NRXN3: variants seen among roughly 807,000 people sequenced by gnomAD.
NRXN3 encodes neurexin 3, also known as neurexin III.
Under a neutral mutation model 137.6 loss-of-function variants are expected in NRXN3, and 32 were observed. The ratio of observed to expected loss-of-function variants is 0.23; its 90% confidence interval spans 0.18 to 0.31. The LOEUF is 0.31. Ranked by LOEUF, NRXN3 falls within the 10% of genes least tolerant of loss-of-function variation. NRXN3 has a pLI of 1.00. For synonymous variants in NRXN3, 798 were observed against 784.5 expected, an observed-to-expected ratio of 1.02 and a Z score of -0.29; for missense variants, 1,574 against 2,062.5, an observed-to-expected ratio of 0.76 and a Z score of 4.59.
rs1239683222 is a variant in NRXN3 at position 78,803,767 on chromosome 14, C to G, written c.2192C>G (p.Ala731Gly). The G allele has an allele frequency of 6.2e-7, 1 of 1,613,866 alleles. No individual in the cohort carries two copies. The highest frequency in any genetic ancestry group is 1.7e-5 in the Admixed American group (1 of 60,002). Residue 731 changes from alanine (A) to glycine (G), a missense_variant, in exon 9 of 21, where the codon GCC (alanine) becomes GGC (glycine). This residue lies in a region of NRXN3 where 718 missense variants were observed against 887.6 expected (regional missense o/e 0.81). Coordinates refer to ENST00000335750, the MANE Select transcript of NRXN3 (RefSeq NM_001330195.2). The stretch of plus-strand genomic sequence containing the variant: ...GTGGCTACGACCTCCAGGGACTCTG[C>G]CGACACCCTGCGTCTGGAGCTGGAT... ...LLVATTSRDS[A>G]DTLRLELDGG...
At chr14:78,748,267 G>T (rs905025125) in intron 8 of NRXN3, among the ~76,000 whole-genome samples, 4 of 152,136 alleles carry the variant, frequency 2.6e-5, no homozygotes, top group African/African-American at 9.7e-5. Flanking sequence ...GAGAAATAAA[G>T]GCTGGCTAGG....
At chr14:78,889,918 A>G (rs527783112) in intron 10 of NRXN3, among the ~76,000 whole-genome samples, 3 of 152,150 alleles carry the variant, frequency 2.0e-5, no homozygotes, top group African/African-American at 4.8e-5. Flanking sequence ...AGTGAAAACT[A>G]TCTTTGTAAG....
chr14:78,318,610 G>A (rs929184697), intron 4 of NRXN3, among the ~76,000 whole-genome samples: 2 of 152,120 alleles, frequency 1.3e-5, no homozygotes, highest in African/African-American at 4.8e-5. Context: ...AGGATTTTGA[G>A]GCAGCAACAT....
intron 15 of NRXN3, among the ~76,000 whole-genome samples, chr14:79,040,101 T>C (rs538801185): frequency 6.6e-6 from 1 of 152,318 alleles, no homozygotes; most frequent in Admixed American, 6.5e-5. Flanking sequence ...ACCTGGATAA[T>C]TTCCTTTATA....
chr14:79,518,035 A>G (rs987788778), intron 16 of NRXN3, among the ~76,000 whole-genome samples: 2 of 149,714 alleles, frequency 1.3e-5, no homozygotes, highest in Non-Finnish European at 1.5e-5. Context: ...CCTGCTGAGT[A>G]GCTGGGATTA....
chr14:78,996,094 G>A (rs1296085895), intron 15 of NRXN3, among the ~76,000 whole-genome samples: 4 of 152,092 alleles, frequency 2.6e-5, no homozygotes, highest in Non-Finnish European at 5.9e-5. Flanking sequence ...AAAGACACAT[G>A]ATTTTTTTCC....
chr14:78,723,511 T>C (rs1248732911), intron 8 of NRXN3, among the ~76,000 whole-genome samples: 1 of 152,196 alleles, frequency 6.6e-6, no homozygotes, highest in East Asian at 1.9e-4. Flanking sequence ...GGGAGGACTG[T>C]GGTGACCATT....
At chr14:78,992,082 A>C (rs1864409413) in intron 15 of NRXN3, among the ~76,000 whole-genome samples, 1 of 152,200 alleles carries the variant, frequency 6.6e-6, no homozygotes, top group African/African-American at 2.4e-5. Flanking sequence ...TTGGAAATCC[A>C]AGTGTAATTG....
rs1482681905 is a variant in NRXN3 at position 79,740,710 on chromosome 14, TTTTATATATATATA to T, written c.4014+42775_4014+42788del. Among the ~76,000 whole-genome samples the T allele has an allele frequency of 4.4e-3, 322 of 73,680 alleles. 31 individuals carry two copies. Among genetic ancestry groups the T allele is most frequent in the African/African-American group, 0.01 (188 of 18,564 alleles). The allele number at this position is 73,680 out of a possible 152,430, so 48.3% of individuals were successfully genotyped here. On this transcript the variant is annotated intron_variant, in intron 19 of 20. Transcript: ENST00000335750. ...TTTCCACTGGACTTTGCATTTAGTT[TTTTATATATATATA>T]TATATATATATATATATATATATAT...
intron 10 of NRXN3, among the ~76,000 whole-genome samples, chr14:78,927,190 T>C (rs1162218385): frequency 6.7e-6 from 1 of 149,034 alleles, no homozygotes; most frequent in African/African-American, 2.5e-5. Context: ...TCCGACTATA[T>C]GCCAAGCACT....
At chr14:79,548,654 G>A (rs1245055021) in intron 16 of NRXN3, among the ~76,000 whole-genome samples, 1 of 151,348 alleles carries the variant, frequency 6.6e-6, no homozygotes, top group Non-Finnish European at 1.5e-5. Context: ...AATCTACCAA[G>A]CCGCAAATTT....
intron 15 of NRXN3, among the ~76,000 whole-genome samples, chr14:79,183,932 G>A (rs979211423): frequency 6.6e-6 from 1 of 152,136 alleles, no homozygotes; most frequent in Non-Finnish European, 1.5e-5. Context: ...TGAGATCATA[G>A]GACCCAAGAA....
chr14:79,181,857 C>T (rs573999214), intron 15 of NRXN3, among the ~76,000 whole-genome samples: 2 of 152,104 alleles, frequency 1.3e-5, no homozygotes, highest in African/African-American at 4.8e-5. Context: ...ATATTACCCT[C>T]ATTAAATCTT....
At chr14:78,401,219 C>T (rs922005589) in intron 4 of NRXN3, among the ~76,000 whole-genome samples, 3 of 152,046 alleles carry the variant, frequency 2.0e-5, no homozygotes, top group Non-Finnish European at 2.9e-5. Flanking sequence ...GGCTGGAGTG[C>T]AATAGCGTGA....
chr14:79,608,773 C>T (rs528114178), intron 16 of NRXN3, among the ~76,000 whole-genome samples: 2 of 152,112 alleles, frequency 1.3e-5, no homozygotes, highest in African/African-American at 2.4e-5. Flanking sequence ...CACCTGTCCC[C>T]ATTTGTTGAT....
intron 4 of NRXN3, among the ~76,000 whole-genome samples, chr14:78,544,244 G>A (rs1331324797): frequency 6.6e-6 from 1 of 152,216 alleles, no homozygotes; most frequent in Admixed American, 6.5e-5. Context: ...GAGAGGATAT[G>A]AGGGCACAAG....
intron 4 of NRXN3, among the ~76,000 whole-genome samples, chr14:78,359,950 C>T (rs2084879905): frequency 6.6e-6 from 1 of 152,156 alleles, no homozygotes; most frequent in Non-Finnish European, 1.5e-5. Flanking sequence ...TTAATCTCTC[C>T]CTTTCTTCTG....
At chr14:79,707,482 C>G (rs867288661) in intron 19 of NRXN3, among the ~76,000 whole-genome samples, 1 of 146,956 alleles carries the variant, frequency 6.8e-6, no homozygotes, top group Non-Finnish European at 1.5e-5. Flanking sequence ...TGGCCAGGGT[C>G]CTTTGTGGAG....
chr14:79,193,004 T>G (rs1568559308), intron 15 of NRXN3, among the ~76,000 whole-genome samples: 1 of 151,810 alleles, frequency 6.6e-6, no homozygotes, highest in African/African-American at 2.4e-5. Flanking sequence ...CTCCTGACCT[T>G]GTAATCTGCC....
Sources: gnomAD v4.1 joint callset for allele counts (sites outside exome capture counted in the v4.1 genomes callset) on GRCh38, gnomAD v4.1.1 for gene constraint, gnomAD v4.1.1 regional missense constraint, MANE v1.5 for transcripts, NCBI Gene and HGNC (gene_info 2026-07-23, HGNC 2026-07-21) for gene names.